MTUS2: variants seen among roughly 807,000 people sequenced by gnomAD.
MTUS2 encodes microtubule-associated tumor suppressor candidate 2.
MTUS2 carries 40 observed loss-of-function variants against 114.1 expected under a neutral mutation model. That is an observed-to-expected ratio of 0.35 (90% confidence interval 0.27 to 0.46). MTUS2 has a LOEUF of 0.46. MTUS2 is among the 20% of genes least tolerant of loss of function. The pLI is 1.00. For missense variants in MTUS2, 1,679 were observed against 1,705.4 expected (o/e 0.98, Z 0.27); for synonymous variants, 688 against 672.0 (o/e 1.02, Z -0.37).
At chr13:28,916,425 A>G (rs1566221182) in intron 2 of MTUS2, among the ~76,000 whole-genome samples, 1 of 152,010 alleles carries the variant, frequency 6.6e-6, no homozygotes, top group Admixed American at 6.6e-5. Flanking sequence ...CTTCTAATCC[A>G]TGAACATGGA....
At chr13:29,420,673 T>C (rs529818445) in intron 8 of MTUS2, among the ~76,000 whole-genome samples, 56 of 152,202 alleles carry the variant, frequency 3.7e-4, no homozygotes, top group Non-Finnish European at 6.2e-4. Flanking sequence ...GTATGTCAAA[T>C]AGACAGATGC....
chr13:29,444,342 TCG>T (rs1878120590), intron 9 of MTUS2, among the ~76,000 whole-genome samples: 6 of 152,116 alleles, frequency 3.9e-5, no homozygotes, highest in Non-Finnish European at 8.8e-5. Flanking sequence ...GGCAGGAGAA[TCG>T]CTTGAACCCG....
chr13:29,222,715 A>G (rs935353467), intron 5 of MTUS2, among the ~76,000 whole-genome samples: 10 of 152,294 alleles, frequency 6.6e-5, no homozygotes, highest in Middle Eastern at 3.4e-3. Flanking sequence ...CTGCCCAACC[A>G]TGGCTGTGGA....
chr13:29,118,489 T>C (rs893382223), intron 5 of MTUS2, among the ~76,000 whole-genome samples: 18 of 152,150 alleles, frequency 1.2e-4, no homozygotes, highest in African/African-American at 4.3e-4. Flanking sequence ...GATTCTATTG[T>C]TGAAGTCCTA....
chr13:29,180,628 A>C lies in MTUS2; in HGVS notation c.2644+79658A>C, dbSNP rs150076953. ...ATTGATTTTCTATTTTCTTCAAGTTAAGGTTTATCCAAACTTATTGTTTTG... is the reference window on the plus strand; with the variant it reads ...ATTGATTTTCTATTTTCTTCAAGTTCAGGTTTATCCAAACTTATTGTTTTG... On this transcript the variant is annotated intron_variant, in intron 5 of 15. Coordinates refer to ENST00000612955, the MANE Select transcript of MTUS2 (RefSeq NM_001033602.4). 4.8e-3 allele frequency among the ~76,000 whole-genome samples: 738 copies of C among 152,288 alleles called. 11 individuals are homozygous for C. The highest frequency in any genetic ancestry group is 0.017 in the African/African-American group (695 of 41,552).
intron 2 of MTUS2, among the ~76,000 whole-genome samples, chr13:28,891,858 CAAAAAAAAA>C (rs1169875500): frequency 3.8e-5 from 2 of 52,184 alleles, no homozygotes; most frequent in African/African-American, 6.9e-5. Flanking sequence ...GACTCTGTCT[CAAAAAAAAA>C]AAAAAAAAAA....
intron 5 of MTUS2, among the ~76,000 whole-genome samples, chr13:29,197,733 CT>C (rs1162988855): frequency 6.6e-6 from 1 of 152,132 alleles, no homozygotes; most frequent in Non-Finnish European, 1.5e-5. Context: ...TGTTTCCTGA[CT>C]TGTTAATGAT....
chr13:29,261,859 A>T (rs140364405), intron 5 of MTUS2, among the ~76,000 whole-genome samples: 4 of 152,320 alleles, frequency 2.6e-5, no homozygotes, highest in African/African-American at 9.6e-5. Context: ...TACTTCAGAT[A>T]GGGAAAAGGG....
At chr13:29,051,807 G>A (rs1213781193) in intron 4 of MTUS2, among the ~76,000 whole-genome samples, 1 of 152,216 alleles carries the variant, frequency 6.6e-6, no homozygotes, top group East Asian at 1.9e-4. Flanking sequence ...ATCCTTATTA[G>A]CCAGAGAGAG....
At chr13:29,111,033 T>C (rs1180802310) in intron 5 of MTUS2, among the ~76,000 whole-genome samples, 3 of 152,222 alleles carry the variant, frequency 2.0e-5, no homozygotes, top group Non-Finnish European at 4.4e-5. Flanking sequence ...GGGATTGGAT[T>C]AAATGAATTG....
chr13:28,946,913 T>C (rs1318969460), intron 2 of MTUS2, among the ~76,000 whole-genome samples: 1 of 152,170 alleles, frequency 6.6e-6, no homozygotes, highest in Non-Finnish European at 1.5e-5. Flanking sequence ...GTAGAAGTCA[T>C]TTTCCTTTGT....
intron 8 of MTUS2, among the ~76,000 whole-genome samples, chr13:29,387,161 C>T (rs1404886959): frequency 1.3e-5 from 2 of 152,154 alleles, no homozygotes; most frequent in African/African-American, 2.4e-5. Flanking sequence ...ACTTTACAGA[C>T]GTGTCATAAG....
intron 2 of MTUS2, among the ~76,000 whole-genome samples, chr13:28,881,126 C>T (rs1878262451): frequency 6.6e-6 from 1 of 152,272 alleles, no homozygotes; most frequent in East Asian, 1.9e-4. Flanking sequence ...GCCCTCACTG[C>T]CCCTGCCTCA....
intron 8 of MTUS2, among the ~76,000 whole-genome samples, chr13:29,379,176 T>C (rs1871999868): frequency 6.6e-6 from 1 of 152,218 alleles, no homozygotes; most frequent in African/African-American, 2.4e-5. Flanking sequence ...GTCTCAGGTA[T>C]TCACAGCAGC....
intron 2 of MTUS2, among the ~76,000 whole-genome samples, chr13:28,886,580 G>A (rs1185947651): frequency 6.6e-6 from 1 of 151,988 alleles, no homozygotes; most frequent in Non-Finnish European, 1.5e-5. Flanking sequence ...GGAAGAGTGT[G>A]GCAGGGCAGA....
intron 2 of MTUS2, among the ~76,000 whole-genome samples, chr13:29,015,691 C>CT (rs1306552347): frequency 1.3e-5 from 2 of 152,036 alleles, no homozygotes; most frequent in Non-Finnish European, 1.5e-5. Context: ...AACCTAAACT[C>CT]TAACAATAAG....
intron 1 of MTUS2, among the ~76,000 whole-genome samples, chr13:28,821,247 G>A (rs983156083): frequency 2.0e-5 from 3 of 152,032 alleles, no homozygotes; most frequent in Non-Finnish European, 4.4e-5. Context: ...GATAAGCAGT[G>A]GTCTTAGCTT....
In MTUS2 at chr13:29,207,931, C is replaced by G. The variant is rs181743109; in HGVS notation, c.2645-73773C>G. Among the ~76,000 whole-genome samples the G allele has an allele frequency of 7.5e-3, 1,136 of 152,194 alleles. 7 individuals carry two copies. The highest frequency in any genetic ancestry group is 0.026 in the African/African-American group (1,086 of 41,530). ...TCCTGGTTTTAGTATTAGGGTGATA[C>G]TGGCTTCATAGAATGATTTAGGGAG... On this transcript the variant is annotated intron_variant, in intron 5 of 15. Coordinates refer to ENST00000612955, the MANE Select transcript of MTUS2 (RefSeq NM_001033602.4).
intron 8 of MTUS2, among the ~76,000 whole-genome samples, chr13:29,429,533 G>A (rs1256375645): frequency 6.6e-6 from 1 of 152,208 alleles, no homozygotes; most frequent in Non-Finnish European, 1.5e-5. Context: ...AATAGAGTAT[G>A]CATGAGAATT....
Sources: allele counts gnomAD v4.1 joint callset (sites outside exome capture counted in the v4.1 genomes callset), GRCh38; gene constraint gnomAD v4.1.1; transcripts MANE v1.5; gene names NCBI Gene and HGNC (gene_info 2026-07-23, HGNC 2026-07-21).